The following SELP variants were observed in gnomAD, a reference collection of about 807,000 sequenced individuals.
SELP encodes selectin P.
SELP carries 92 observed loss-of-function variants against 104.1 expected under a neutral mutation model. The observed-to-expected ratio is 0.88, with a 90% confidence interval of 0.75 to 1.05. The LOEUF (loss-of-function observed/expected upper bound fraction) is 1.05. Ranked by LOEUF, SELP falls within the 50% of genes least tolerant of loss-of-function variation. The pLI, the probability that SELP is intolerant of heterozygous loss-of-function variation, is 0.00. For missense variants in SELP, 1,022 were observed against 1,017.3 expected (o/e 1.00, Z -0.06); for synonymous variants, 397 against 364.5 (o/e 1.09, Z -1.01).
chr1:169,594,822 G>A lies in SELP; in HGVS notation c.2157C>T (p.Asn719=). ...VNKPIAMNCS[N]LWGNFSYGSI... ...ATCCATAACTGAAGTTTCCCCAGAG[G>A]TTGGAGCAGTTCATCGCTATTGGCT... is the stretch of plus-strand genomic sequence containing the variant. The change falls in exon 13 of 17, where the codon AAC becomes AAT. Residue 719 remains asparagine (N), a synonymous_variant. Transcript: ENST00000263686. The A allele has an allele frequency of 1.2e-5, 19 of 1,613,808 alleles. No individual in the cohort carries two copies. The highest frequency in any genetic ancestry group is 1.5e-5 in the Non-Finnish European group (18 of 1,179,780).
At chr1:169,597,537 G>A (rs1387506477) in intron 10 of SELP, among the ~76,000 whole-genome samples, 1 of 152,134 alleles carries the variant, frequency 6.6e-6, no homozygotes, top group Non-Finnish European at 1.5e-5. Flanking sequence ...TGCAATCCAG[G>A]ATTTCATTTC....
At chr1:169,628,124 G>A (rs9970173) in intron 1 of SELP, among the ~76,000 whole-genome samples, 3,342 of 152,272 alleles carry the variant, frequency 0.022, 132 homozygotes, top group African/African-American at 0.076. Flanking sequence ...TTGAACTCTC[G>A]ACTTCAAGTG....
At chr1:169,590,777 C>A (rs1195806508) in intron 15 of SELP, among the ~76,000 whole-genome samples, 1 of 152,146 alleles carries the variant, frequency 6.6e-6, no homozygotes, top group Non-Finnish European at 1.5e-5. Flanking sequence ...CCCTTGGGGG[C>A]ATACTGTCCC....
chr1:169,617,296 C>A lies in SELP; in HGVS notation c.213G>T (p.Gln71His). 6.2e-7 allele frequency: 1 copy of A among 1,614,056 alleles called. No individual in the cohort carries two copies. The highest frequency in any genetic ancestry group is 1.1e-5 in the South Asian group (1 of 91,078). Residue 71 changes from glutamine (Q) to histidine (H), a missense_variant, in exon 3 of 17, where the codon CAG (glutamine) becomes CAT (histidine). By Grantham distance (24) the Gln-to-His change is conservative. Transcript: ENST00000263686. ...TGAGGTAATCAATTTCATTTTTATT[C>A]TGGATGGCCACTAAGTCTGTGTAGC... ...QNRYTDLVAI[Q>H]NKNEIDYLNK...
At chr1:169,624,868 G>A (rs1663301183) in intron 1 of SELP, among the ~76,000 whole-genome samples, 1 of 152,186 alleles carries the variant, frequency 6.6e-6, no homozygotes, top group South Asian at 2.1e-4. Context: ...GAGGCTAGTA[G>A]GTGTCCCATG....
intron 1 of SELP, among the ~76,000 whole-genome samples, chr1:169,623,861 A>G (rs1663250761): frequency 1.3e-5 from 2 of 152,190 alleles, no homozygotes; most frequent in Non-Finnish European, 2.9e-5. Flanking sequence ...ACTGAGACTC[A>G]GTGAGCGTAA....
intron 15 of SELP, among the ~76,000 whole-genome samples, chr1:169,591,155 C>T (rs910805144): frequency 2.6e-5 from 4 of 152,150 alleles, no homozygotes; most frequent in Admixed American, 2.0e-4. Flanking sequence ...GGAAGGTGCA[C>T]GCTTCTGATG....
intron 9 of SELP, among the ~76,000 whole-genome samples, chr1:169,603,945 T>C (rs1662051545): frequency 6.6e-6 from 1 of 152,244 alleles, no homozygotes; most frequent in Non-Finnish European, 1.5e-5. Context: ...ACATGATTTA[T>C]AATCCTTTGG....
intron 7 of SELP, 117 bp from the exon 8 acceptor site, chr1:169,609,806 A>G: frequency 3.2e-6 from 3 of 949,234 alleles, no homozygotes; most frequent in Non-Finnish European, 4.6e-6. Flanking sequence ...TCAGAACCCT[A>G]AAACCTCCAT....
intron 3 of SELP, among the ~76,000 whole-genome samples, chr1:169,615,637 TAGG>T (rs1261203270): frequency 6.6e-6 from 1 of 152,176 alleles, no homozygotes; most frequent in Non-Finnish European, 1.5e-5. Flanking sequence ...GGGAGAGCAG[TAGG>T]ATGAGCTAAT....
intron 1 of SELP, among the ~76,000 whole-genome samples, chr1:169,628,332 GT>G (rs1413128267): frequency 6.6e-6 from 1 of 152,216 alleles, no homozygotes; most frequent in Non-Finnish European, 1.5e-5. Flanking sequence ...GGTCCTAAAA[GT>G]TAATTAAAGC....
At position 169,594,878 on chromosome 1, in the gene SELP, C is replaced by A; in HGVS notation, c.2102-1G>T. Reference sequence around the variant, plus strand: ...ACATGTAGTTCTGAGCATTTCACAGCTGCAGAAAAGAAATAATGCAAGAGA... The same window carrying A: ...ACATGTAGTTCTGAGCATTTCACAGATGCAGAAAAGAAATAATGCAAGAGA... On this transcript the variant is annotated splice_acceptor_variant, in intron 12 of 16. Transcript: ENST00000263686. LOFTEE classifies it high-confidence loss of function. 2 of 1,608,302 alleles carry A rather than the reference C, an allele frequency of 1.2e-6. No individual in the cohort carries two copies. Among genetic ancestry groups the A allele is most frequent in the Non-Finnish European group, 1.7e-6 (2 of 1,176,038 alleles).
chr1:169,628,489 T>C (rs1056518140), intron 1 of SELP, among the ~76,000 whole-genome samples: 1 of 152,210 alleles, frequency 6.6e-6, no homozygotes, highest in Non-Finnish European at 1.5e-5. Context: ...CACTTCGCTG[T>C]AGAGCTCAAG....
At position 169,597,153 on chromosome 1, in the gene SELP, C is replaced by T. The variant is rs1661671696; in HGVS notation, c.1729G>A (p.Ala577Thr). The part of the protein sequence containing the change: ...CEAIKCPELF[A>T]PEQGSLDCSD... ...CAATCCAGGCTGCCCTGCTCTGGGG[C>T]AAAGAGTTCTGGGCACTTGATGGCT... The change falls in exon 11 of 17, where the codon GCC (alanine) becomes ACC (threonine). Residue 577 changes from alanine to threonine, a missense_variant. By Grantham distance (58) the Ala-to-Thr change is moderately conservative. Transcript: ENST00000263686. 1.6e-5 allele frequency: 25 copies of T among 1,603,164 alleles called. No individual in the cohort carries two copies. Among genetic ancestry groups the T allele is most frequent in the Non-Finnish European group, 1.8e-5 (21 of 1,174,320 alleles).
chr1:169,615,641 A>G (rs897891887), intron 3 of SELP, among the ~76,000 whole-genome samples: 1 of 152,196 alleles, frequency 6.6e-6, no homozygotes, highest in Non-Finnish European at 1.5e-5. Context: ...GAGCAGTAGG[A>G]TGAGCTAATA....
intron 8 of SELP, 50 bp from the exon 9 acceptor site, chr1:169,607,184 C>T: frequency 1.4e-6 from 2 of 1,424,408 alleles, no homozygotes; most frequent in South Asian, 1.6e-5. Context: ...CACATGTACT[C>T]ATTGATTTTT....
At chr1:169,604,313 G>A (rs1436295993) in intron 9 of SELP, among the ~76,000 whole-genome samples, 1 of 151,782 alleles carries the variant, frequency 6.6e-6, no homozygotes, top group South Asian at 2.1e-4. Flanking sequence ...TTTTTTTCTT[G>A]TAAATTTGTT....
At chr1:169,617,898 T>A (rs1662904699) in intron 2 of SELP, among the ~76,000 whole-genome samples, 1 of 152,176 alleles carries the variant, frequency 6.6e-6, no homozygotes, top group Non-Finnish European at 1.5e-5. Context: ...AAAACAGAAT[T>A]CCTACTTCCT....
chr1:169,598,490 C>A (rs1295031317), intron 10 of SELP, among the ~76,000 whole-genome samples: 1 of 152,162 alleles, frequency 6.6e-6, no homozygotes, highest in Non-Finnish European at 1.5e-5. Flanking sequence ...TTGCATGAAT[C>A]CATTCAAATA....
Sources: allele counts gnomAD v4.1 joint callset (sites outside exome capture counted in the v4.1 genomes callset), GRCh38; gene constraint gnomAD v4.1.1; transcripts MANE v1.5; gene names NCBI Gene and HGNC (gene_info 2026-07-23, HGNC 2026-07-21).